The following FBN2 variants were observed in gnomAD, a reference collection of about 807,000 sequenced individuals.
The protein encoded by FBN2 is fibrillin-2.
A neutral mutation model predicts 355.6 loss-of-function variants in FBN2; 105 were observed. The ratio of observed to expected loss-of-function variants is 0.30; its 90% CI spans 0.25 to 0.35. FBN2 has a LOEUF of 0.35. Ranked by LOEUF, FBN2 falls within the 10% of genes least tolerant of loss-of-function variation. The pLI is 1.00. For synonymous variants in FBN2, 1,350 were observed against 1,301.2 expected, an observed-to-expected ratio of 1.04 and a Z score of -0.81; for missense variants, 3,280 against 3,758.7, an observed-to-expected ratio of 0.87 and a Z score of 3.33.
chr5:128,388,038 C>CA (rs1279303531), intron 11 of FBN2, among the ~76,000 whole-genome samples: 6 of 152,148 alleles, frequency 3.9e-5, no homozygotes, highest in Non-Finnish European at 8.8e-5. Context: ...GTGTTGGGTG[C>CA]ATGTATGTTT....
At chr5:128,527,815 A>C (rs896749235) in intron 4 of FBN2, 57 bp downstream of exon 4, 35 of 1,237,904 alleles carry the variant, frequency 2.8e-5, no homozygotes, top group Non-Finnish European at 3.9e-5. Flanking sequence ...TTAAATTATA[A>C]CTTAATATGA....
chr5:128,532,747 T>C (rs1427918036), intron 2 of FBN2, among the ~76,000 whole-genome samples: 3 of 152,230 alleles, frequency 2.0e-5, no homozygotes, highest in Non-Finnish European at 4.4e-5. Context: ...TAGTACTTCT[T>C]ATAAATGAAA....
At chr5:128,486,082 GC>G (rs1246650065) in intron 5 of FBN2, among the ~76,000 whole-genome samples, 2 of 152,066 alleles carry the variant, frequency 1.3e-5, no homozygotes, top group Non-Finnish European at 2.9e-5. Flanking sequence ...TCTCATTAAT[GC>G]CCATATATAA....
chr5:128,281,498 C>T (rs1299114597), intron 55 of FBN2, among the ~76,000 whole-genome samples: 2 of 152,184 alleles, frequency 1.3e-5, no homozygotes, highest in East Asian at 1.9e-4. Context: ...TATCTCTGCT[C>T]TCTCCCTGAA....
intron 55 of FBN2, among the ~76,000 whole-genome samples, chr5:128,284,622 C>T (rs1335222812): frequency 2.6e-5 from 4 of 152,156 alleles, no homozygotes; most frequent in Admixed American, 6.5e-5. Flanking sequence ...TATGAACATC[C>T]TCTCACCAAA....
At chr5:128,530,313 T>C (rs1033628621) in intron 3 of FBN2, among the ~76,000 whole-genome samples, 1 of 152,184 alleles carries the variant, frequency 6.6e-6, no homozygotes, top group Non-Finnish European at 1.5e-5. Flanking sequence ...ACAAAACACA[T>C]GTTAAGCAAA....
intron 19 of FBN2, among the ~76,000 whole-genome samples, chr5:128,360,263 T>C (rs1751605885): frequency 6.6e-6 from 1 of 152,142 alleles, no homozygotes; most frequent in Non-Finnish European, 1.5e-5. Context: ...TCTCAGAGCA[T>C]TTCTGAAGAA....
chr5:128,310,386 ATATATATATATATATATTT>A (rs1195722067), intron 39 of FBN2, among the ~76,000 whole-genome samples: 616 of 31,446 alleles, frequency 0.02, 6 homozygotes, highest in Admixed American at 0.031. Context: ...ATATATATAT[ATATATATATATATATATTT>A]TTTTTTTTTT....
intron 48 of FBN2, among the ~76,000 whole-genome samples, chr5:128,294,863 T>G (rs376853156): frequency 1.1e-4 from 10 of 93,216 alleles, no homozygotes; most frequent in East Asian, 3.4e-4. Context: ...GTCAATTTTG[T>G]CTTTTGTTGC....
At chr5:128,522,058 T>G (rs1382835726) in intron 4 of FBN2, among the ~76,000 whole-genome samples, 1 of 152,220 alleles carries the variant, frequency 6.6e-6, no homozygotes, top group Non-Finnish European at 1.5e-5. Context: ...TAATTTCTAA[T>G]ACTATAAATA....
chr5:128,343,544 G>A (rs570618527), intron 25 of FBN2, among the ~76,000 whole-genome samples: 132 of 152,304 alleles, frequency 8.7e-4, no homozygotes, highest in African/African-American at 3.1e-3. Context: ...AACAAAGAGA[G>A]TGCTGAGAAC....
At chr5:128,438,043 T>G (rs1206597562) in intron 7 of FBN2, among the ~76,000 whole-genome samples, 2 of 152,130 alleles carry the variant, frequency 1.3e-5, no homozygotes, top group Non-Finnish European at 2.9e-5. Context: ...CAGGCTGGAG[T>G]GCAGTGGCAT....
chr5:128,482,067 C>T (rs1321729716), intron 5 of FBN2, among the ~76,000 whole-genome samples: 2 of 152,164 alleles, frequency 1.3e-5, no homozygotes, highest in African/African-American at 4.8e-5. Context: ...ATTGTTCTAA[C>T]ATTGTTTTCA....
chr5:128,440,627 G>A (rs1753895127), intron 7 of FBN2, among the ~76,000 whole-genome samples: 2 of 152,298 alleles, frequency 1.3e-5, no homozygotes, highest in East Asian at 1.9e-4. Context: ...TTTGGGTGGG[G>A]ACGTAGGGCC....
chr5:128,499,319 A>G (rs1335694253), intron 5 of FBN2, among the ~76,000 whole-genome samples: 1 of 152,164 alleles, frequency 6.6e-6, no homozygotes, highest in African/African-American at 2.4e-5. Flanking sequence ...TTAATAAATG[A>G]TTTCTTAAGC....
chr5:128,356,521 G>A (rs1751509060), intron 20 of FBN2, among the ~76,000 whole-genome samples: 1 of 152,208 alleles, frequency 6.6e-6, no homozygotes, highest in Non-Finnish European at 1.5e-5. Context: ...CACTTTAAAG[G>A]TGGATACTAG....
chr5:128,302,294 T>C (rs999605094), intron 46 of FBN2, among the ~76,000 whole-genome samples: 12 of 152,226 alleles, frequency 7.9e-5, no homozygotes, highest in Non-Finnish European at 1.2e-4. Context: ...AAATTACCCA[T>C]GCAGTTCCTG....
At chr5:128,520,136 C>G (rs1561495862) in intron 4 of FBN2, among the ~76,000 whole-genome samples, 1 of 152,236 alleles carries the variant, frequency 6.6e-6, no homozygotes, top group South Asian at 2.1e-4. Flanking sequence ...CTCCTTTAGC[C>G]TTGTGACCTG....
chr5:128,449,845 T>C (rs944788519), intron 6 of FBN2, among the ~76,000 whole-genome samples: 9 of 151,998 alleles, frequency 5.9e-5, no homozygotes, highest in African/African-American at 2.2e-4. Flanking sequence ...ATGAAAAAGA[T>C]ATATTAAGAA....
Sources: allele counts gnomAD v4.1 joint callset (sites outside exome capture counted in the v4.1 genomes callset), GRCh38; gene constraint gnomAD v4.1.1; transcripts MANE v1.5; gene names NCBI Gene and HGNC (gene_info 2026-07-23, HGNC 2026-07-21).